Variants in DNAH9 observed in about 807,000 individuals in gnomAD.
DNAH9 encodes dynein axonemal heavy chain 9.
Under a neutral mutation model 471.6 loss-of-function variants are expected in DNAH9, and 345 were observed. The observed-to-expected ratio is 0.73, with a 90% CI of 0.67 to 0.80. DNAH9 has a LOEUF of 0.80. Among genes scored for constraint, DNAH9 ranks in the 30% least tolerant of loss-of-function variants. DNAH9 has a pLI of 0.00. For missense variants in DNAH9, 5,407 were observed against 5,609.2 expected (o/e 0.96, Z 1.15); for synonymous variants, 2,093 against 2,123.6 (o/e 0.99, Z 0.40).
chr17:11,911,419 A>G (rs1973790840), intron 61 of DNAH9, among the ~76,000 whole-genome samples: 1 of 152,238 alleles, frequency 6.6e-6, no homozygotes, highest in Admixed American at 6.5e-5. Flanking sequence ...TAACAGTCTC[A>G]ATGACTGTAG....
intron 62 of DNAH9, chr17:11,925,093 T>A: frequency 2.3e-6 from 1 of 430,538 alleles, no homozygotes; most frequent in Non-Finnish European, 4.6e-6. Flanking sequence ...TGAAATCTTC[T>A]ATTAGAGCTC....
In DNAH9 at chr17:11,679,783, A is replaced by G; in HGVS notation, c.3380A>G (p.Lys1127Arg). Reference protein sequence around the residue: ...HSLANLDAFIKKSESGLLKKV... With the variant: ...HSLANLDAFIRKSESGLLKKV... ...TTGGCCAACCTGGATGCGTTTATAA[A>G]GAAGAGTGAGAGCGGCTTACTCAAG... Residue 1127 changes from lysine to arginine, a missense_variant, in exon 18 of 69, where the codon AAG becomes AGG. Physicochemically the swap from Lys to Arg is conservative, Grantham distance 26. This residue lies in a region of DNAH9 where 4,636 missense variants were observed against 4,900.3 expected (regional missense o/e 0.95). Transcript: ENST00000262442. 1 of 1,614,132 alleles carries G rather than the reference A, an allele frequency of 6.2e-7. No homozygotes were observed. Among genetic ancestry groups the G allele is most frequent in the South Asian group, 1.1e-5 (1 of 91,074 alleles).
chr17:11,878,832 G>C (rs376271545), intron 53 of DNAH9, among the ~76,000 whole-genome samples: 1 of 152,140 alleles, frequency 6.6e-6, no homozygotes, highest in East Asian at 1.9e-4. Context: ...GCCTCCCAAA[G>C]TTCTGGGTTA....
chr17:11,643,043 C>T (rs1187730472), intron 10 of DNAH9, among the ~76,000 whole-genome samples: 1 of 152,252 alleles, frequency 6.6e-6, no homozygotes, highest in Non-Finnish European at 1.5e-5. Context: ...TAAGCTGCCT[C>T]ATTTTGCCAG....
chr17:11,868,800 C>G (rs953677934), intron 50 of DNAH9, among the ~76,000 whole-genome samples: 1 of 152,230 alleles, frequency 6.6e-6, no homozygotes, highest in Non-Finnish European at 1.5e-5. Flanking sequence ...CCCTTCCCCC[C>G]ATCCACATCC....
chr17:11,939,617 G>A (rs772638055), intron 66 of DNAH9, among the ~76,000 whole-genome samples: 16 of 152,190 alleles, frequency 1.1e-4, no homozygotes, highest in Non-Finnish European at 2.4e-4. Context: ...AAGATGAGGG[G>A]CAAAGAGTCA....
chr17:11,823,015 T>G lies in DNAH9; in HGVS notation c.9227T>G (p.Leu3076Arg), dbSNP rs1479101314. Residue 3076 changes from leucine (L) to arginine (R), a missense_variant, in exon 48 of 69, where the codon CTG becomes CGG. Physicochemically the swap from Leu to Arg is moderately radical, Grantham distance 102. Coordinates refer to ENST00000262442, the MANE Select transcript of DNAH9 (RefSeq NM_001372.4). ...CGGTTGGAGAACGGGCTGCTGAAGC[T>G]GCATAGCACCTCTGCCCAGGTGAGC... ...TERLENGLLK[L>R]HSTSAQVDDL... The G allele has an allele frequency of 2.5e-6, 4 of 1,613,716 alleles. No individual in the cohort carries two copies. The highest frequency in any genetic ancestry group is 3.4e-6 in the Non-Finnish European group (4 of 1,179,814).
chr17:11,655,899 TAC>T (rs1006836593), intron 14 of DNAH9, among the ~76,000 whole-genome samples: 4 of 151,182 alleles, frequency 2.6e-5, no homozygotes, highest in Admixed American at 6.6e-5. Context: ...TACATATATA[TAC>T]ACACACACAC....
chr17:11,809,779 A>T (rs1481617340), intron 44 of DNAH9, among the ~76,000 whole-genome samples: 1 of 151,988 alleles, frequency 6.6e-6, no homozygotes, highest in African/African-American at 2.4e-5. Context: ...CCATATACGT[A>T]AGTAAGTCTT....
chr17:11,763,842 G>A (rs1048579005), intron 36 of DNAH9, among the ~76,000 whole-genome samples: 24 of 152,112 alleles, frequency 1.6e-4, no homozygotes, highest in African/African-American at 5.8e-4. Flanking sequence ...TTTCCTTTTT[G>A]AGCTACTGAA....
In DNAH9 at chr17:11,937,475, C is replaced by T. The variant is rs767306011; in HGVS notation, c.12613C>T (p.Arg4205Trp). ...CCGCACTGTGCTGGAGCTGCAGCCT[C>T]GGGACAGCCAGGCCAGAGACGGAGC... Reference protein sequence around the residue: ...LFRTVLELQPRDSQARDGAGA... With the variant: ...LFRTVLELQPWDSQARDGAGA... The change falls in exon 66 of 69, where the codon CGG becomes TGG. Residue 4205 changes from arginine to tryptophan, a missense_variant. Physicochemically the swap from Arg to Trp is moderately radical, Grantham distance 101 (BLOSUM62 -3). Around this residue, in one of 3 missense-constraint regions of DNAH9, gnomAD observed 4,636 missense variants for 4,900.3 expected, o/e 0.95. Coordinates refer to ENST00000262442, the MANE Select transcript of DNAH9 (RefSeq NM_001372.4). The surrounding 1 kb of genome is among the most constrained non-coding windows in gnomAD (Gnocchi z 4.1). 25 of 1,613,688 alleles carry T rather than the reference C, an allele frequency of 1.5e-5. No individual in the cohort carries two copies. Among genetic ancestry groups the T allele is most frequent in the African/African-American group, 2.7e-5 (2 of 74,890 alleles).
chr17:11,903,561 C>T (rs1973486200), intron 60 of DNAH9, among the ~76,000 whole-genome samples: 3 of 151,964 alleles, frequency 2.0e-5, no homozygotes, highest in South Asian at 2.1e-4. Flanking sequence ...AGTTGTAGGC[C>T]GTGGAGTCTA....
intron 6 of DNAH9, among the ~76,000 whole-genome samples, chr17:11,621,407 CA>C (rs34933930): frequency 0.091 from 6,567 of 72,518 alleles, 122 homozygotes; most frequent in African/African-American, 0.18. Flanking sequence ...GACTCCATCT[CA>C]AAAAAAAAAA....
intron 53 of DNAH9, among the ~76,000 whole-genome samples, chr17:11,879,719 T>C (rs979385206): frequency 1.3e-5 from 2 of 151,962 alleles, no homozygotes; most frequent in African/African-American, 4.8e-5. Context: ...TTACAATATA[T>C]TTTCTGTAAA....
rs118160421 is a variant in DNAH9 at position 11,747,587 on chromosome 17, G to A, written c.6431G>A (p.Arg2144Gln). ...VVQLEELLAV[R>Q]HSVFVVGGAG... ...CAGCTGGAGGAGCTCCTGGCTGTGC[G>A]GCACTCTGTATTTGTGGTGGGTGGC... Residue 2144 changes from arginine to glutamine, a missense_variant, in exon 32 of 69, where the codon CGG becomes CAG. Arg to Gln is a conservative substitution (Grantham distance 43). This residue lies in a region of DNAH9 where 4,636 missense variants were observed against 4,900.3 expected (regional missense o/e 0.95). Transcript: ENST00000262442. 56 of 1,613,930 alleles carry A rather than the reference G, an allele frequency of 3.5e-5. No individual in the cohort carries two copies. In the East Asian group the frequency reaches 5.8e-4, roughly 17 times the overall value.
intron 29 of DNAH9, 56 bp from the exon 30 acceptor site, chr17:11,742,119 C>CATTAAAAAATT: frequency 6.4e-7 from 1 of 1,562,726 alleles, no homozygotes; most frequent in Non-Finnish European, 8.8e-7. Context: ...CTTGCAGTCT[C>CATTAAAAAATT]CTCTTCAACA....
Position 11,932,398 on chromosome 17 carries a change from C to T in DNAH9, c.12297+193C>T, listed in dbSNP as rs1487238119. On this transcript the variant is annotated intron_variant, in intron 64 of 68. Transcript: ENST00000262442. The surrounding 1 kb of genome is among the most constrained non-coding windows in gnomAD (Gnocchi z 4.3). The stretch of plus-strand genomic sequence containing the variant: ...GTAACACATGGTCATGTTCCAAGCC[C>T]CACTCCCCATTACCTGACAGCCAGA... Among the ~76,000 whole-genome samples the T allele has an allele frequency of 1.3e-5, 2 of 152,110 alleles. No individual in the cohort carries two copies. The highest frequency in any genetic ancestry group is 2.9e-5 in the Non-Finnish European group (2 of 68,030).
In DNAH9 at chr17:11,810,279, G is replaced by C; in HGVS notation, c.8617G>C (p.Val2873Leu). Residue 2873 changes from valine (V) to leucine (L), a missense_variant, in exon 45 of 69, where the codon GTG becomes CTG. By Grantham distance (32) the Val-to-Leu change is conservative (BLOSUM62 1). Transcript: ENST00000262442. ...GGCCAGCCTGTGTCTGAAAGCTGGA[G>C]TGAAGAATCTCAACACAGTGTTTCT... ...DLASLCLKAG[V>L]KNLNTVFLMT... The C allele has an allele frequency of 6.2e-7, 1 of 1,613,618 alleles. No homozygotes were observed. The highest frequency in any genetic ancestry group is 8.5e-7 in the Non-Finnish European group (1 of 1,179,780).
At chr17:11,949,150 A>G (rs935193147) in intron 67 of DNAH9, among the ~76,000 whole-genome samples, 12 of 152,230 alleles carry the variant, frequency 7.9e-5, no homozygotes, top group African/African-American at 2.7e-4. Context: ...ATTATGCCAA[A>G]GAAAGATTAT....
Sources: gnomAD v4.1 joint callset for allele counts (sites outside exome capture counted in the v4.1 genomes callset) on GRCh38, gnomAD v4.1.1 for gene constraint, gnomAD v4.1.1 regional missense constraint, Gnocchi (gnomAD v3.1) non-coding constraint, MANE v1.5 for transcripts, NCBI Gene and HGNC (gene_info 2026-07-23, HGNC 2026-07-21) for gene names.